The following RANBP2 variants were observed in gnomAD, a reference collection of about 807,000 sequenced individuals.
RANBP2 encodes the protein RAN binding protein 2.
In RANBP2, 57 loss-of-function variants were observed where a neutral mutation model predicts 303.6. The ratio of observed to expected loss-of-function variants is 0.19; its 90% CI spans 0.15 to 0.23. The LOEUF (loss-of-function observed/expected upper bound fraction) is 0.23, where lower values mean the gene tolerates loss of function less well. RANBP2 is among the 10% of genes least tolerant of loss of function. The pLI is 1.00. For missense variants in RANBP2, 3,138 were observed against 3,780.8 expected (o/e 0.83, Z 4.46); for synonymous variants, 1,167 against 1,301.5 (o/e 0.90, Z 2.23).
chr2:109,423,091 C>A, the RANBP2 span, among the ~76,000 whole-genome samples: 1 of 152,186 alleles, frequency 6.6e-6, no homozygotes, highest in Non-Finnish European at 1.5e-5. Context: ...CAGTTCATTA[C>A]CTGCAGGGAA....
chr2:108,789,163 G>T (rs1313717948), downstream of RANBP2, among the ~76,000 whole-genome samples: 2 of 152,156 alleles, frequency 1.3e-5, no homozygotes, highest in African/African-American at 4.8e-5. Context: ...TAAAAGCATA[G>T]ACCTAGCATT....
chr2:109,614,516 C>G, the RANBP2 span: 8 of 1,260,778 alleles, frequency 6.3e-6, no homozygotes, highest in Non-Finnish European at 7.9e-6. Context: ...AGTGGGGCCC[C>G]GAGGCGGCGC....
At chr2:109,613,038 A>G in the RANBP2 span, 1 of 546,840 alleles carries the variant, frequency 1.8e-6, no homozygotes, top group South Asian at 1.5e-5. Context: ...TACTATCAAA[A>G]ATTAAAAGGG....
At chr2:109,212,395 A>C in the RANBP2 span, among the ~76,000 whole-genome samples, 1 of 152,232 alleles carries the variant, frequency 6.6e-6, no homozygotes, top group African/African-American at 2.4e-5. Flanking sequence ...ATAAATCCCA[A>C]CTTGGACAGT....
chr2:108,913,705 GTT>G, the RANBP2 span, among the ~76,000 whole-genome samples: 1 of 152,076 alleles, frequency 6.6e-6, no homozygotes, highest in Admixed American at 6.5e-5. Flanking sequence ...AGTTCTTCTT[GTT>G]AGAAGGACAA....
the RANBP2 span, among the ~76,000 whole-genome samples, chr2:108,822,340 A>G: frequency 2.6e-5 from 4 of 152,226 alleles, no homozygotes; most frequent in South Asian, 2.1e-4. Flanking sequence ...AGAAATAGTA[A>G]CATAATACTA....
chr2:109,338,074 G>A, the RANBP2 span, among the ~76,000 whole-genome samples: 1 of 152,138 alleles, frequency 6.6e-6, no homozygotes, highest in Non-Finnish European at 1.5e-5. Flanking sequence ...TGTGTCATGT[G>A]ATGTGGAGAA....
the RANBP2 span, among the ~76,000 whole-genome samples, chr2:109,523,307 T>C: frequency 1.8e-4 from 28 of 152,268 alleles, no homozygotes; most frequent in Middle Eastern, 3.4e-3. Context: ...ACTCATGGGT[T>C]GCTGGAAGGC....
the RANBP2 span, among the ~76,000 whole-genome samples, chr2:108,795,284 A>T: frequency 1.3e-5 from 2 of 148,950 alleles, no homozygotes; most frequent in Admixed American, 6.9e-5. Context: ...CCTCCTGAGT[A>T]GCTGGGATTA....
chr2:109,029,140 AAAATAAAT>A, the RANBP2 span, among the ~76,000 whole-genome samples: 8 of 151,982 alleles, frequency 5.3e-5, no homozygotes, highest in Admixed American at 1.3e-4. Context: ...AAAAATAAAT[AAAATAAAT>A]AAATAAATAA....
chr2:109,589,062 T>C, the RANBP2 span, among the ~76,000 whole-genome samples: 15 of 151,748 alleles, frequency 9.9e-5, no homozygotes, highest in African/African-American at 2.9e-4. Flanking sequence ...TCTGGAGTAG[T>C]TGGGATTATA....
the RANBP2 span, among the ~76,000 whole-genome samples, chr2:109,177,914 T>G: frequency 6.6e-6 from 1 of 152,224 alleles, no homozygotes; most frequent in African/African-American, 2.4e-5. Context: ...GATTTCTCCA[T>G]TAAACTGGAA....
At chr2:109,097,133 G>A in the RANBP2 span, among the ~76,000 whole-genome samples, 15 of 152,018 alleles carry the variant, frequency 9.9e-5, no homozygotes, top group Non-Finnish European at 1.2e-4. Flanking sequence ...GTGAAACCCC[G>A]TCTCTACTAA....
the RANBP2 span, among the ~76,000 whole-genome samples, chr2:109,017,951 G>A: frequency 6.6e-6 from 1 of 152,196 alleles, no homozygotes; most frequent in African/African-American, 2.4e-5. Context: ...TACCTGAGAT[G>A]GTGGAAATGG....
At chr2:109,401,681 G>A in the RANBP2 span, among the ~76,000 whole-genome samples, 1 of 152,154 alleles carries the variant, frequency 6.6e-6, no homozygotes, top group Non-Finnish European at 1.5e-5. Context: ...TTTCCCACAG[G>A]CCCCTGAGAT....
chr2:109,117,682 C>A, the RANBP2 span, among the ~76,000 whole-genome samples: 2 of 152,188 alleles, frequency 1.3e-5, 1 homozygote, highest in South Asian at 4.1e-4. Context: ...GTGAGATGAA[C>A]CCGGTACCTC....
the RANBP2 span, among the ~76,000 whole-genome samples, chr2:109,104,783 G>A: frequency 2.6e-5 from 4 of 152,078 alleles, no homozygotes; most frequent in East Asian, 1.9e-4. Flanking sequence ...GTGCCCAGCC[G>A]GGATTAGGTT....
At chr2:108,796,453 C>G in the RANBP2 span, among the ~76,000 whole-genome samples, 2 of 152,066 alleles carry the variant, frequency 1.3e-5, no homozygotes, top group African/African-American at 4.8e-5. Context: ...GTAGAACTAC[C>G]GTATGATCCA....
At chr2:109,033,419 A>T in the RANBP2 span, among the ~76,000 whole-genome samples, 1 of 152,162 alleles carries the variant, frequency 6.6e-6, no homozygotes, top group Non-Finnish European at 1.5e-5. Flanking sequence ...ACAGAAAGCC[A>T]ATCACAGAGA....
Sources: allele counts gnomAD v4.1 joint callset (sites outside exome capture counted in the v4.1 genomes callset), GRCh38; gene constraint gnomAD v4.1.1; transcripts MANE v1.5; gene names NCBI Gene and HGNC (gene_info 2026-07-23, HGNC 2026-07-21).